The following CTNNA2 variants were observed in gnomAD, a reference collection of about 807,000 sequenced individuals.
CTNNA2 encodes catenin alpha 2.
Under a neutral mutation model 101.0 loss-of-function variants are expected in CTNNA2, and 42 were observed. That is an observed-to-expected ratio of 0.42 (90% CI 0.32 to 0.54). The LOEUF (loss-of-function observed/expected upper bound fraction) is 0.54. Among genes scored for constraint, CTNNA2 ranks in the 20% least tolerant of loss-of-function variants. CTNNA2 has a pLI of 0.14. For missense variants in CTNNA2, 871 were observed against 1,223.1 expected (o/e 0.71, Z 4.29); for synonymous variants, 450 against 456.4 (o/e 0.99, Z 0.18).
chr2:80,097,173 C>T (rs1390141727), intron 7 of CTNNA2, among the ~76,000 whole-genome samples: 1 of 151,906 alleles, frequency 6.6e-6, no homozygotes, highest in African/African-American at 2.4e-5. Context: ...TTTAGTGCTT[C>T]CTTCATGAGC....
intron 7 of CTNNA2, among the ~76,000 whole-genome samples, chr2:79,950,395 A>G (rs1307113685): frequency 6.6e-6 from 1 of 152,232 alleles, no homozygotes; most frequent in Non-Finnish European, 1.5e-5. Context: ...TGATTTTCAA[A>G]TTTGCATCAC....
intron 4 of CTNNA2, among the ~76,000 whole-genome samples, chr2:79,385,388 C>T (rs757042279): frequency 1.3e-4 from 20 of 152,202 alleles, no homozygotes; most frequent in South Asian, 4.2e-4. Flanking sequence ...AACAGTAGAC[C>T]ACTTGGATTA....
At chr2:79,792,004 T>G (rs748084857) in intron 3 of CTNNA2, among the ~76,000 whole-genome samples, 2 of 152,214 alleles carry the variant, frequency 1.3e-5, no homozygotes, top group Non-Finnish European at 2.9e-5. Flanking sequence ...TAAATAAAAT[T>G]AAATAATATG....
At chr2:80,193,695 G>T (rs1706665641) in intron 7 of CTNNA2, among the ~76,000 whole-genome samples, 1 of 152,136 alleles carries the variant, frequency 6.6e-6, no homozygotes, top group Admixed American at 6.5e-5. Flanking sequence ...ATCAATTGGT[G>T]GTTTGAGCTC....
At chr2:80,067,036 T>C (rs899307992) in intron 7 of CTNNA2, among the ~76,000 whole-genome samples, 2 of 151,984 alleles carry the variant, frequency 1.3e-5, no homozygotes, top group Non-Finnish European at 2.9e-5. Flanking sequence ...TCTAAAAAAA[T>C]AGAACTCATA....
At chr2:79,377,742 C>T (rs1197952759) in intron 4 of CTNNA2, among the ~76,000 whole-genome samples, 3 of 152,150 alleles carry the variant, frequency 2.0e-5, no homozygotes, top group Non-Finnish European at 2.9e-5. Context: ...GCATGCATAG[C>T]ATCTAGCCAG....
intron 4 of CTNNA2, among the ~76,000 whole-genome samples, chr2:79,467,238 T>C (rs1670947197): frequency 6.6e-6 from 1 of 152,232 alleles, no homozygotes; most frequent in East Asian, 1.9e-4. Flanking sequence ...ATGCACAAGC[T>C]TCAGTAGCCG....
chr2:80,315,560 C>T (rs1205141177), intron 7 of CTNNA2, among the ~76,000 whole-genome samples: 2 of 152,144 alleles, frequency 1.3e-5, no homozygotes, highest in Non-Finnish European at 2.9e-5. Context: ...AGTAGGCTAG[C>T]TCTGGTGCAA....
At chr2:80,098,243 A>T (rs201771571) in intron 7 of CTNNA2, among the ~76,000 whole-genome samples, 48 of 145,428 alleles carry the variant, frequency 3.3e-4, no homozygotes, top group South Asian at 6.6e-4. Context: ...CCTCAGCTGC[A>T]GGTCTGTTGG....
At chr2:80,048,759 A>G (rs1696686759) in intron 7 of CTNNA2, among the ~76,000 whole-genome samples, 1 of 152,212 alleles carries the variant, frequency 6.6e-6, no homozygotes. Context: ...TAGTTCTGCT[A>G]GGGGTCAGTA....
At chr2:80,443,038 G>T (rs72914951) in intron 9 of CTNNA2, among the ~76,000 whole-genome samples, 11,681 of 152,108 alleles carry the variant, frequency 0.077, 752 homozygotes, top group African/African-American at 0.17. Flanking sequence ...CTTCCTTTAG[G>T]ATCTGCAATT....
At chr2:80,104,244 T>C (rs1573090741) in intron 7 of CTNNA2, among the ~76,000 whole-genome samples, 1 of 152,210 alleles carries the variant, frequency 6.6e-6, no homozygotes, top group African/African-American at 2.4e-5. Flanking sequence ...GCTACTCTTA[T>C]TTATCAGCTA....
rs966151418 is a variant in CTNNA2 at position 80,255,389 on chromosome 2, C to T, written c.1057-137822C>T. The stretch of plus-strand genomic sequence containing the variant: ...CCTTTCTCACAGCTCACTGCTGTTT[C>T]CTCTTTTTCCTTTCAGAAAGAATGA... On this transcript the variant is annotated intron_variant, in intron 7 of 18. Transcript: ENST00000402739. Among the ~76,000 whole-genome samples the T allele has an allele frequency of 2.0e-5, 3 of 151,982 alleles. 1 individual carries two copies. The highest frequency in any genetic ancestry group is 2.0e-4 in the Admixed American group (3 of 15,252).
intron 7 of CTNNA2, among the ~76,000 whole-genome samples, chr2:79,948,946 C>G (rs532629841): frequency 6.6e-6 from 1 of 151,678 alleles, no homozygotes; most frequent in East Asian, 1.9e-4. Flanking sequence ...CCAGCCTGGG[C>G]GACAGAGCCA....
At chr2:80,341,353 A>G (rs1029544695) in intron 7 of CTNNA2, among the ~76,000 whole-genome samples, 4 of 152,310 alleles carry the variant, frequency 2.6e-5, no homozygotes, top group Admixed American at 1.3e-4. Context: ...TCTCATTAAT[A>G]TAGAAAAGAC....
At chr2:79,941,957 A>G (rs894325201) in intron 7 of CTNNA2, among the ~76,000 whole-genome samples, 1 of 152,150 alleles carries the variant, frequency 6.6e-6, no homozygotes, top group African/African-American at 2.4e-5. Context: ...GAAATTCTTA[A>G]AGATCCTACA....
At chr2:80,094,617 A>G (rs1210232371) in intron 7 of CTNNA2, among the ~76,000 whole-genome samples, 2 of 152,104 alleles carry the variant, frequency 1.3e-5, no homozygotes, top group East Asian at 3.9e-4. Context: ...TTTTCACGAT[A>G]TTGATTCTTC....
chr2:80,150,524 C>T (rs1703632159), intron 7 of CTNNA2, among the ~76,000 whole-genome samples: 1 of 152,152 alleles, frequency 6.6e-6, no homozygotes, highest in South Asian at 2.1e-4. Flanking sequence ...AATTTGCATT[C>T]TTTAGGGGAT....
At chr2:79,800,448 C>T (rs537523472) in intron 3 of CTNNA2, among the ~76,000 whole-genome samples, 3 of 152,190 alleles carry the variant, frequency 2.0e-5, no homozygotes, top group Non-Finnish European at 4.4e-5. Context: ...ATTAGTATTA[C>T]CTTTATTTGT....
Sources: allele counts gnomAD v4.1 joint callset (sites outside exome capture counted in the v4.1 genomes callset), GRCh38; gene constraint gnomAD v4.1.1; transcripts MANE v1.5; gene names NCBI Gene and HGNC (gene_info 2026-07-23, HGNC 2026-07-21).